Variants in THRB observed in about 807,000 individuals in gnomAD.
THRB encodes nuclear receptor subfamily 1 group A member 2.
Under a neutral mutation model 47.8 loss-of-function variants are expected in THRB, and 12 were observed. The observed-to-expected ratio is 0.25, with a 90% CI of 0.16 to 0.41. The LOEUF is 0.41. Among genes scored for constraint, THRB ranks in the 10% least tolerant of loss-of-function variants. THRB has a pLI of 1.00. For synonymous variants in THRB, 218 were observed against 212.2 expected (o/e 1.03, Z -0.24); for missense variants, 348 against 589.2 (o/e 0.59, Z 4.24).
chr3:24,230,779 A>C (rs767910009), intron 3 of THRB, among the ~76,000 whole-genome samples: 2 of 152,148 alleles, frequency 1.3e-5, no homozygotes, highest in Non-Finnish European at 2.9e-5. Context: ...ACCTCTGGCA[A>C]AACTGGCTTA....
At chr3:24,325,369 C>A (rs895056977) in intron 2 of THRB, among the ~76,000 whole-genome samples, 1 of 152,092 alleles carries the variant, frequency 6.6e-6, no homozygotes, top group Non-Finnish European at 1.5e-5. Flanking sequence ...GGTTCACTCT[C>A]AATTAATTGC....
intron 3 of THRB, among the ~76,000 whole-genome samples, chr3:24,292,549 T>C (rs2056035538): frequency 6.6e-6 from 1 of 152,176 alleles, no homozygotes; most frequent in South Asian, 2.1e-4. Flanking sequence ...GTGCATCACC[T>C]TGTTTCAAGC....
chr3:24,305,401 C>T (rs1369561772), intron 2 of THRB, among the ~76,000 whole-genome samples: 1 of 152,140 alleles, frequency 6.6e-6, no homozygotes, highest in Admixed American at 6.5e-5. Context: ...GTGGATGTAG[C>T]ACCAACACCC....
chr3:24,157,337 G>A (rs1048652400), intron 5 of THRB, among the ~76,000 whole-genome samples: 15 of 151,944 alleles, frequency 9.9e-5, no homozygotes, highest in African/African-American at 3.6e-4. Flanking sequence ...AAGCACTGGT[G>A]GGCGGAGGAG....
rs10671187 is a variant in THRB at position 24,259,620 on chromosome 3, CTTT to C, written c.-42-30622_-42-30620del. Among the ~76,000 whole-genome samples the C allele has an allele frequency of 6.9e-3, 676 of 98,250 alleles. 5 individuals carry two copies. The highest frequency in any genetic ancestry group is 0.024 in the African/African-American group (611 of 25,534). 64.5% of individuals were successfully genotyped at this position (98,250 alleles called of 152,430 possible). The stretch of plus-strand genomic sequence containing the variant: ...CAAAGTGGGAATTAGCTCTGCTTAC[CTTT>C]TTTTTTTTTTTTTTTTTTTTAAGGA... On this transcript the variant is annotated intron_variant, in intron 3 of 10. Coordinates refer to ENST00000646209, the MANE Select transcript of THRB (RefSeq NM_001354712.2).
intron 3 of THRB, among the ~76,000 whole-genome samples, chr3:24,243,381 T>A (rs1239558740): frequency 6.6e-6 from 1 of 152,022 alleles, no homozygotes; most frequent in Non-Finnish European, 1.5e-5. Context: ...CCCATCTGCC[T>A]CTCTGTCTCT....
chr3:24,178,754 A>G lies in THRB; in HGVS notation c.283+11320T>C, dbSNP rs536655983. Among the ~76,000 whole-genome samples, 456 of 152,286 alleles carry G rather than the reference A, an allele frequency of 3.0e-3. 1 individual carries two copies. The highest frequency in any genetic ancestry group is 4.5e-3 in the Non-Finnish European group (304 of 68,012). ...AAGCAGACTAGAGTAGAATGGTGAT[A>G]ACTAAGGTCTGCAGCGGGGAGGGTA... is the stretch of plus-strand genomic sequence containing the variant. On this transcript the variant is annotated intron_variant, in intron 5 of 10. Coordinates refer to ENST00000646209, the MANE Select transcript of THRB (RefSeq NM_001354712.2).
intron 1 of THRB, among the ~76,000 whole-genome samples, chr3:24,403,398 G>A (rs1041252953): frequency 9.2e-5 from 14 of 151,922 alleles, no homozygotes; most frequent in Non-Finnish European, 8.8e-5. Flanking sequence ...AAGATAAAAC[G>A]TTAACATTTC....
chr3:24,414,034 C>T lies in THRB; in HGVS notation c.-260-76663G>A, dbSNP rs73825638. On this transcript the variant is annotated intron_variant, in intron 1 of 10. Coordinates refer to ENST00000646209, the MANE Select transcript of THRB (RefSeq NM_001354712.2). ...AAATTGGACCTCCATAGTATATTTG[C>T]ATTTTCAGTTATGTTTCAAATAGAT... is the stretch of plus-strand genomic sequence containing the variant. Among the ~76,000 whole-genome samples the T allele has an allele frequency of 6.6e-3, 997 of 151,960 alleles. 11 individuals are homozygous for T. The highest frequency in any genetic ancestry group is 0.019 in the African/African-American group (791 of 41,506).
intron 1 of THRB, among the ~76,000 whole-genome samples, chr3:24,457,797 TG>T (rs2073328671): frequency 6.6e-6 from 1 of 152,176 alleles, no homozygotes; most frequent in South Asian, 2.1e-4. Context: ...TGTAAGACAC[TG>T]TGTAGCCCTG....
chr3:24,373,817 G>C lies in THRB; in HGVS notation c.-260-36446C>G, dbSNP rs183529475. On this transcript the variant is annotated intron_variant, in intron 1 of 10. Transcript: ENST00000646209. ...GAGCCTGTAACAATCGCTAAGTCTT[G>C]GCCAATACCAGTGGCCATACTGCAA... Among the ~76,000 whole-genome samples, 114 of 152,138 alleles carry C rather than the reference G, an allele frequency of 7.5e-4. 2 individuals carry two copies. Among genetic ancestry groups the C allele is most frequent in the Non-Finnish European group, 1.2e-4 (8 of 67,992 alleles).
chr3:24,174,725 C>T (rs1416610294), intron 5 of THRB, among the ~76,000 whole-genome samples: 1 of 152,158 alleles, frequency 6.6e-6, no homozygotes. Context: ...CACACAGTTT[C>T]CTGCGTACAG....
At chr3:24,123,271 GC>G in intron 10 of THRB, 146 bp from the exon 11 acceptor site, 1 of 1,152,404 alleles carries the variant, frequency 8.7e-7, no homozygotes, top group South Asian at 1.3e-5. Context: ...GAACTCTGGT[GC>G]TCCAGGGACC....
chr3:24,188,990 C>T (rs1264603839), intron 5 of THRB, among the ~76,000 whole-genome samples: 1 of 151,078 alleles, frequency 6.6e-6, no homozygotes, highest in Non-Finnish European at 1.5e-5. Context: ...TTTTGAATAA[C>T]TCTATTTCCA....
intron 1 of THRB, among the ~76,000 whole-genome samples, chr3:24,374,663 T>G (rs1157489670): frequency 1.3e-5 from 2 of 152,110 alleles, no homozygotes; most frequent in Admixed American, 1.3e-4. Flanking sequence ...TAAGGATTAT[T>G]AAATATTTTG....
chr3:24,171,161 A>C (rs1157021161), intron 5 of THRB, among the ~76,000 whole-genome samples: 1 of 152,228 alleles, frequency 6.6e-6, no homozygotes. Flanking sequence ...AAATGTAAAG[A>C]AGCATGAGTC....
chr3:24,364,041 A>T (rs988851489), intron 1 of THRB, among the ~76,000 whole-genome samples: 1 of 152,162 alleles, frequency 6.6e-6, no homozygotes, highest in Admixed American at 6.6e-5. Context: ...TGAACTGCAA[A>T]CATTAGAATT....
chr3:24,298,137 G>A (rs545028601), intron 2 of THRB, among the ~76,000 whole-genome samples: 1 of 152,288 alleles, frequency 6.6e-6, no homozygotes, highest in South Asian at 2.1e-4. Flanking sequence ...GTCCGTTAAA[G>A]ACTACATAGA....
intron 3 of THRB, among the ~76,000 whole-genome samples, chr3:24,264,013 ATTAATGTCTAT>A (rs1467639488): frequency 6.6e-6 from 1 of 152,174 alleles, no homozygotes; most frequent in East Asian, 1.9e-4. Flanking sequence ...TCTTACTGAC[ATTAATGTCTAT>A]TGGCCAAATT....
Sources: allele counts gnomAD v4.1 joint callset (sites outside exome capture counted in the v4.1 genomes callset), GRCh38; gene constraint gnomAD v4.1.1; transcripts MANE v1.5; gene names NCBI Gene and HGNC (gene_info 2026-07-23, HGNC 2026-07-21).